The following KIRREL3 variants were observed in gnomAD, a reference collection of about 807,000 sequenced individuals.
KIRREL3 encodes the protein kin of IRRE-like protein 3.
A neutral mutation model predicts 89.7 loss-of-function variants in KIRREL3; 36 were observed. The ratio of observed to expected loss-of-function variants is 0.40; its 90% CI spans 0.31 to 0.53. The LOEUF (loss-of-function observed/expected upper bound fraction) is 0.53, where lower values mean the gene tolerates loss of function less well. Among genes scored for constraint, KIRREL3 ranks in the 20% least tolerant of loss-of-function variants. The pLI, the probability that KIRREL3 is intolerant of heterozygous loss-of-function variation, is 0.49. For missense variants in KIRREL3, 864 were observed against 1,056.6 expected, an observed-to-expected ratio of 0.82 and a Z score of 2.53; for synonymous variants, 445 against 441.4, an observed-to-expected ratio of 1.01 and a Z score of -0.10.
intron 13 of KIRREL3, among the ~76,000 whole-genome samples, chr11:126,434,145 G>A (rs918299102): frequency 2.6e-5 from 4 of 152,242 alleles, no homozygotes; most frequent in Admixed American, 1.3e-4. Context: ...GGCCTAGGGC[G>A]ATGTGCAGGC....
chr11:126,865,561 A>G (rs889235807), intron 1 of KIRREL3, among the ~76,000 whole-genome samples: 4 of 152,226 alleles, frequency 2.6e-5, no homozygotes, highest in Non-Finnish European at 4.4e-5. Flanking sequence ...CAAGTCCCTC[A>G]TGGAGGTCTG....
At chr11:126,786,009 C>T (rs1262406372) in intron 1 of KIRREL3, among the ~76,000 whole-genome samples, 4 of 148,668 alleles carry the variant, frequency 2.7e-5, no homozygotes, top group Admixed American at 6.7e-5. Flanking sequence ...AGTGATGTCA[C>T]TTTTGTCAAC....
chr11:126,612,381 T>G lies in KIRREL3; in HGVS notation c.56-49469A>C, dbSNP rs962270958. 2.0e-5 allele frequency among the ~76,000 whole-genome samples: 3 copies of G among 152,156 alleles called. No homozygotes were observed. Among genetic ancestry groups the G allele is most frequent in the African/African-American group, 7.2e-5 (3 of 41,438 alleles). ...TTTGAATAAATAAATGTGGTGTCAA[T>G]TTGGATTAATTTTCTTGATCTCATA... On this transcript the variant is annotated intron_variant, in intron 1 of 16. Coordinates refer to ENST00000525144, the MANE Select transcript of KIRREL3 (RefSeq NM_032531.4). The surrounding 1 kb of genome is among the most constrained non-coding windows in gnomAD (Gnocchi z 4.5).
chr11:126,921,786 TA>T (rs1947326088), intron 1 of KIRREL3, among the ~76,000 whole-genome samples: 1 of 150,958 alleles, frequency 6.6e-6, no homozygotes, highest in Non-Finnish European at 1.5e-5. Context: ...TCTATCTATC[TA>T]TCTATCTTCC....
At chr11:126,938,704 A>G (rs775329891) in intron 1 of KIRREL3, among the ~76,000 whole-genome samples, 1 of 152,232 alleles carries the variant, frequency 6.6e-6, no homozygotes, top group Non-Finnish European at 1.5e-5. Flanking sequence ...CTAAACTGTA[A>G]CATAAAGAAA....
At chr11:126,468,609 T>A (rs1375567068) in intron 5 of KIRREL3, among the ~76,000 whole-genome samples, 1 of 152,170 alleles carries the variant, frequency 6.6e-6, no homozygotes, top group African/African-American at 2.4e-5. Flanking sequence ...GAATGGTCGG[T>A]GAGCAACCCA....
rs557690705 is a variant in KIRREL3 at position 126,993,159 on chromosome 11, G to A, written c.55+7296C>T. ...AAATAACATGTTGATCCCTAAACCC[G>A]TGATGTAGAGAGGACCACAAACCCA... is the stretch of plus-strand genomic sequence containing the variant. On this transcript the variant is annotated intron_variant, in intron 1 of 16. Coordinates refer to ENST00000525144, the MANE Select transcript of KIRREL3 (RefSeq NM_032531.4). This position sits in a 1 kb window ranked among gnomAD's most constrained non-coding sequence, Gnocchi z 6.1. Among the ~76,000 whole-genome samples the A allele has an allele frequency of 3.3e-5, 5 of 152,290 alleles. No homozygotes were observed. Among genetic ancestry groups the A allele is most frequent in the South Asian group, 4.2e-4 (2 of 4,816 alleles).
At chr11:126,775,473 T>C (rs942822477) in intron 1 of KIRREL3, among the ~76,000 whole-genome samples, 2 of 152,140 alleles carry the variant, frequency 1.3e-5, no homozygotes, top group Non-Finnish European at 2.9e-5. Flanking sequence ...CAGGACAGTG[T>C]TACTCTCCTT....
rs1481193051 is a variant in KIRREL3 at position 126,492,221 on chromosome 11, G to C, written c.434-18755C>G. On this transcript the variant is annotated intron_variant, in intron 4 of 16. Transcript: ENST00000525144. This position sits in a 1 kb window ranked among gnomAD's most constrained non-coding sequence, Gnocchi z 4.8. ...GGAAGATGGGCTCAGGCTGCAGCGT[G>C]AGGGAGTGAGGTTAGACATCTGGAA... Among the ~76,000 whole-genome samples the C allele has an allele frequency of 6.6e-6, 1 of 152,178 alleles. No homozygotes were observed. The highest frequency in any genetic ancestry group is 1.5e-5 in the Non-Finnish European group (1 of 68,026).
chr11:126,630,750 C>T (rs565867680), intron 1 of KIRREL3, among the ~76,000 whole-genome samples: 1 of 152,230 alleles, frequency 6.6e-6, no homozygotes, highest in South Asian at 2.1e-4. Flanking sequence ...GTCTTTGACT[C>T]CTGATTGGCC....
Position 126,723,021 on chromosome 11 carries a change from C to T in KIRREL3, c.56-160109G>A, listed in dbSNP as rs1948238561. Among the ~76,000 whole-genome samples, 1 of 152,182 alleles carries T rather than the reference C, an allele frequency of 6.6e-6. No individual in the cohort carries two copies. The highest frequency in any genetic ancestry group is 1.5e-5 in the Non-Finnish European group (1 of 68,046). ...GTCTCCCACGGTGGAATTGGCCTTT[C>T]TTCATCTATTCCTCTTACAGTCTTC... On this transcript the variant is annotated intron_variant, in intron 1 of 16. Transcript: ENST00000525144. The surrounding 1 kb of genome is among the most constrained non-coding windows in gnomAD (Gnocchi z 4.0).
rs569018849 is a variant in KIRREL3, at chr11:126,443,622, G to A, written c.1252+1357C>T. ...GGAAATGCGGGGCAGTGTGGGGGGAGCTGGTGAATGGAGACAGTAGAGAGG... is the reference window on the plus strand; with the variant it reads ...GGAAATGCGGGGCAGTGTGGGGGGAACTGGTGAATGGAGACAGTAGAGAGG... On this transcript the variant is annotated intron_variant, in intron 10 of 16. Transcript: ENST00000525144. This position sits in a 1 kb window ranked among gnomAD's most constrained non-coding sequence, Gnocchi z 7.3. 6.6e-5 allele frequency among the ~76,000 whole-genome samples: 10 copies of A among 152,228 alleles called. No individual in the cohort carries two copies. The South Asian group carries it at 2.1e-3, about 32-fold the overall frequency.
intron 1 of KIRREL3, among the ~76,000 whole-genome samples, chr11:126,939,544 T>C (rs1030268236): frequency 6.6e-6 from 1 of 152,168 alleles, no homozygotes; most frequent in Non-Finnish European, 1.5e-5. Flanking sequence ...CCACCTTAAG[T>C]GGCGTTTCCA....
At chr11:126,964,397 C>G (rs889833258) in intron 1 of KIRREL3, among the ~76,000 whole-genome samples, 2 of 152,184 alleles carry the variant, frequency 1.3e-5, no homozygotes, top group Admixed American at 6.5e-5. Context: ...ATAGTTTTAG[C>G]TCTTCAGTGA....
chr11:126,900,737 AG>A lies in KIRREL3; in HGVS notation c.55+99717del, dbSNP rs548373192. Among the ~76,000 whole-genome samples the A allele has an allele frequency of 6.1e-3, 932 of 152,346 alleles. 6 individuals carry two copies. Among genetic ancestry groups the A allele is most frequent in the Non-Finnish European group, 0.011 (728 of 68,026 alleles). On this transcript the variant is annotated intron_variant, in intron 1 of 16. Coordinates refer to ENST00000525144, the MANE Select transcript of KIRREL3 (RefSeq NM_032531.4). This position sits in a 1 kb window ranked among gnomAD's most constrained non-coding sequence, Gnocchi z 4.4. ...TGTAATGATATTTAAGTGATGGGCA[AG>A]GGTATCAATGGTTCAGGCAAAGTAT...
In KIRREL3 at chr11:126,787,732, C is replaced by T. The variant is rs185243176; in HGVS notation, c.55+212723G>A. ...CTACCCAGTGAAGCACAAATGCTCT[C>T]AGCTTGTGCCTTTGTTTCTGAGCTT... On this transcript the variant is annotated intron_variant, in intron 1 of 16. Coordinates refer to ENST00000525144, the MANE Select transcript of KIRREL3 (RefSeq NM_032531.4). Among the ~76,000 whole-genome samples the T allele has an allele frequency of 2.4e-4, 37 of 152,304 alleles. No homozygotes were observed. The East Asian group carries it at 5.2e-3, about 21-fold the overall frequency.
At position 126,653,565 on chromosome 11, in the gene KIRREL3, G is replaced by T. The variant is rs1016567211; in HGVS notation, c.56-90653C>A. Among the ~76,000 whole-genome samples, 1 of 152,166 alleles carries T rather than the reference G, an allele frequency of 6.6e-6. No individual in the cohort carries two copies. The highest frequency in any genetic ancestry group is 2.4e-5 in the African/African-American group (1 of 41,436). Reference sequence around the variant, plus strand: ...ACGGAATGAGAAAAAAGCGGCACCGGAAGTGGCATTTTGCAAACTCCAATC... The same window carrying T: ...ACGGAATGAGAAAAAAGCGGCACCGTAAGTGGCATTTTGCAAACTCCAATC... On this transcript the variant is annotated intron_variant, in intron 1 of 16. Coordinates refer to ENST00000525144, the MANE Select transcript of KIRREL3 (RefSeq NM_032531.4). This position sits in a 1 kb window ranked among gnomAD's most constrained non-coding sequence, Gnocchi z 5.4.
At chr11:126,732,024 G>A (rs76907713) in intron 1 of KIRREL3, among the ~76,000 whole-genome samples, 2,056 of 152,316 alleles carry the variant, frequency 0.013, 54 homozygotes, top group African/African-American at 0.046. Context: ...GGAAGGGTGG[G>A]ACCTCACTGG....
In KIRREL3 at chr11:126,965,734, C is replaced by A. The variant is rs148648047; in HGVS notation, c.55+34721G>T. Among the ~76,000 whole-genome samples, 69 of 152,126 alleles carry A rather than the reference C, an allele frequency of 4.5e-4. No individual in the cohort carries two copies. The highest frequency in any genetic ancestry group is 1.5e-3 in the African/African-American group (62 of 41,492). On this transcript the variant is annotated intron_variant, in intron 1 of 16. Coordinates refer to ENST00000525144, the MANE Select transcript of KIRREL3 (RefSeq NM_032531.4). This position sits in a 1 kb window ranked among gnomAD's most constrained non-coding sequence, Gnocchi z 4.4. ...TCTGACTTTGGAGTGCGTTATTTTCCCGTGTTTTACGTTGGCCTTGTTGTT... is the reference window on the plus strand; with the variant it reads ...TCTGACTTTGGAGTGCGTTATTTTCACGTGTTTTACGTTGGCCTTGTTGTT...
Sources: gnomAD v4.1 joint callset for allele counts (sites outside exome capture counted in the v4.1 genomes callset) on GRCh38, gnomAD v4.1.1 for gene constraint, Gnocchi (gnomAD v3.1) non-coding constraint, MANE v1.5 for transcripts, NCBI Gene and HGNC (gene_info 2026-07-23, HGNC 2026-07-21) for gene names.